Variants in CTNNA3 observed in about 807,000 individuals in gnomAD.
The protein encoded by CTNNA3 is catenin alpha 3, also known as catenin alpha-3.
In CTNNA3, 76 loss-of-function variants were observed where a neutral mutation model predicts 95.7. The observed-to-expected ratio is 0.79, with a 90% CI of 0.66 to 0.96. CTNNA3 has a LOEUF of 0.96. CTNNA3 is among the 40% of genes least tolerant of loss of function. The pLI is 0.00. For synonymous variants in CTNNA3, 431 were observed against 374.4 expected, an observed-to-expected ratio of 1.15 and a Z score of -1.74; for missense variants, 1,191 against 1,089.8, an observed-to-expected ratio of 1.09 and a Z score of -1.31.
intron 15 of CTNNA3, among the ~76,000 whole-genome samples, chr10:66,047,864 A>G (rs997068047): frequency 1.3e-5 from 2 of 152,124 alleles, no homozygotes; most frequent in African/African-American, 2.4e-5. Flanking sequence ...CAGCAAGGCA[A>G]TCTCATTCAC....
rs559206774 is a variant in CTNNA3, at chr10:66,165,393, C to T, written c.1885-62144G>A. 2.3e-4 allele frequency among the ~76,000 whole-genome samples: 35 copies of T among 152,264 alleles called. No homozygotes were observed. The South Asian group carries it at 7.3e-3, about 32-fold the overall frequency. On this transcript the variant is annotated intron_variant, in intron 13 of 17. Transcript: ENST00000433211. Reference sequence around the variant, plus strand: ...TACCTGGGTGAAGGGATCAATCATACATCAATTTTACTCTAAGTAAAATTG... The same window carrying T: ...TACCTGGGTGAAGGGATCAATCATATATCAATTTTACTCTAAGTAAAATTG...
chr10:67,584,577 C>T (rs1055883723), intron 3 of CTNNA3, among the ~76,000 whole-genome samples: 2 of 152,162 alleles, frequency 1.3e-5, no homozygotes, highest in Admixed American at 1.3e-4. Flanking sequence ...CTGGGAGAAC[C>T]ACTACTCTCT....
intron 13 of CTNNA3, among the ~76,000 whole-genome samples, chr10:66,279,596 CA>C (rs1368383702): frequency 2.0e-5 from 3 of 151,920 alleles, no homozygotes; most frequent in Non-Finnish European, 4.4e-5. Context: ...GTGCATTCTG[CA>C]GTACTACCCA....
intron 16 of CTNNA3, among the ~76,000 whole-genome samples, chr10:65,970,586 T>C (rs764608652): frequency 6.6e-6 from 1 of 151,422 alleles, no homozygotes; most frequent in Non-Finnish European, 1.5e-5. Context: ...GAAATATCTA[T>C]CTTGCAGATT....
intron 2 of CTNNA3, among the ~76,000 whole-genome samples, chr10:67,627,781 G>A (rs1839006965): frequency 6.6e-6 from 1 of 151,786 alleles, no homozygotes; most frequent in South Asian, 2.1e-4. Flanking sequence ...ATATAAAACA[G>A]TTCAAAATTA....
chr10:66,545,429 T>C (rs1222209070), intron 10 of CTNNA3, among the ~76,000 whole-genome samples: 1 of 152,130 alleles, frequency 6.6e-6, no homozygotes, highest in Non-Finnish European at 1.5e-5. Flanking sequence ...TTTCATTATA[T>C]AAATATAACA....
At chr10:66,301,291 G>A (rs113479617) in intron 12 of CTNNA3, among the ~76,000 whole-genome samples, 1 of 151,962 alleles carries the variant, frequency 6.6e-6, no homozygotes, top group Non-Finnish European at 1.5e-5. Context: ...TCCAGAAGGT[G>A]GAAGCAGAGT....
chr10:66,863,020 G>A (rs1269899997), intron 7 of CTNNA3, among the ~76,000 whole-genome samples: 1 of 152,014 alleles, frequency 6.6e-6, no homozygotes, highest in Non-Finnish European at 1.5e-5. Context: ...TGAGCTGCAA[G>A]CCAGCCATCC....
At position 67,539,508 on chromosome 10, in the gene CTNNA3, A is replaced by G; in HGVS notation, c.454T>C (p.Ser152Pro). The G allele has an allele frequency of 6.2e-7, 1 of 1,613,312 alleles. No individual in the cohort carries two copies. The highest frequency in any genetic ancestry group is 8.5e-7 in the Non-Finnish European group (1 of 1,179,458). ...IDVMCLLQHV[S>P]AFQRTFESLK... ...CTAAGCCATCTTTTACTTACAGCTG[A>G]CACATGTTGCAAGAGGCACATGACA... The change falls in exon 4 of 18, where the codon TCA becomes CCA. Residue 152 changes from serine (S) to proline (P), a missense_variant. Coordinates refer to ENST00000433211, the MANE Select transcript of CTNNA3 (RefSeq NM_013266.4).
intron 5 of CTNNA3, among the ~76,000 whole-genome samples, chr10:67,380,326 G>A (rs10997624): frequency 0.17 from 26,147 of 152,064 alleles, 3,342 homozygotes; most frequent in African/African-American, 0.34. Flanking sequence ...ACTATAACCA[G>A]TGAAATGGGA....
intron 15 of CTNNA3, among the ~76,000 whole-genome samples, chr10:66,018,285 C>G (rs1046671292): frequency 7.3e-5 from 11 of 151,244 alleles, no homozygotes; most frequent in Non-Finnish European, 8.8e-5. Context: ...AATTATGAAT[C>G]AGGAGAACTG....
chr10:67,630,145 A>G (rs1222485005), intron 2 of CTNNA3, among the ~76,000 whole-genome samples: 1 of 152,174 alleles, frequency 6.6e-6, no homozygotes, highest in Non-Finnish European at 1.5e-5. Context: ...TCTTGAGAGC[A>G]TTATGGAGAC....
intron 13 of CTNNA3, among the ~76,000 whole-genome samples, chr10:66,177,103 C>T (rs941214819): frequency 6.6e-6 from 1 of 152,092 alleles, no homozygotes; most frequent in Non-Finnish European, 1.5e-5. Flanking sequence ...CACGCACAAC[C>T]TAAATCTAAC....
intron 7 of CTNNA3, among the ~76,000 whole-genome samples, chr10:67,013,437 A>G (rs1852464122): frequency 6.6e-6 from 1 of 152,326 alleles, no homozygotes; most frequent in East Asian, 1.9e-4. Context: ...CAATAAGCAA[A>G]GCAGACAATT....
chr10:67,140,617 A>C lies in CTNNA3; in HGVS notation c.1047+39700T>G, dbSNP rs555991984. ...AAGTATAATTTAAAAGACAGCTAAA[A>C]TGTATGAAAAGCAAACACGTTTATT... On this transcript the variant is annotated intron_variant, in intron 7 of 17. Transcript: ENST00000433211. Among the ~76,000 whole-genome samples the C allele has an allele frequency of 1.1e-3, 164 of 152,352 alleles. 3 individuals are homozygous for C. The highest frequency in any genetic ancestry group is 3.7e-3 in the African/African-American group (152 of 41,582).
chr10:66,395,560 T>C (rs1050329502), intron 11 of CTNNA3, among the ~76,000 whole-genome samples: 1 of 152,018 alleles, frequency 6.6e-6, no homozygotes, highest in Non-Finnish European at 1.5e-5. Flanking sequence ...AAAGGTACCA[T>C]GTTTTCAGGA....
intron 7 of CTNNA3, among the ~76,000 whole-genome samples, chr10:66,954,284 A>G (rs1848682375): frequency 6.6e-6 from 1 of 152,206 alleles, no homozygotes; most frequent in South Asian, 2.1e-4. Flanking sequence ...TGTAAACCAT[A>G]TATTTGAAAC....
intron 7 of CTNNA3, chr10:66,926,261 G>GTTT: frequency 2.4e-6 from 1 of 413,472 alleles, no homozygotes; most frequent in Non-Finnish European, 4.5e-6. Context: ...GTAGGATCCA[G>GTTT]TTTTTTTTTT....
chr10:66,299,598 C>A (rs1288259213), intron 12 of CTNNA3, among the ~76,000 whole-genome samples: 1 of 152,108 alleles, frequency 6.6e-6, no homozygotes, highest in Non-Finnish European at 1.5e-5. Context: ...AAAGCTTGAA[C>A]TTTCAAAGCA....
Sources: gnomAD v4.1 joint callset for allele counts (sites outside exome capture counted in the v4.1 genomes callset) on GRCh38, gnomAD v4.1.1 for gene constraint, MANE v1.5 for transcripts, NCBI Gene and HGNC (gene_info 2026-07-23, HGNC 2026-07-21) for gene names.